HEATR1: variants seen among roughly 807,000 people sequenced by gnomAD.
HEATR1 encodes the protein HEAT repeat-containing protein 1.
In HEATR1, 77 loss-of-function variants were observed where a neutral mutation model predicts 248.2. The observed-to-expected ratio is 0.31, with a 90% CI of 0.26 to 0.37. HEATR1 has a LOEUF of 0.37. Among genes scored for constraint, HEATR1 ranks in the 10% least tolerant of loss-of-function variants. HEATR1 has a pLI of 1.00. For synonymous variants in HEATR1, 897 were observed against 923.1 expected, an observed-to-expected ratio of 0.97 and a Z score of 0.51; for missense variants, 2,420 against 2,504.9, an observed-to-expected ratio of 0.97 and a Z score of 0.72.
rs1455077700 is a variant in HEATR1 at position 236,586,218 on chromosome 1, A to T, written c.1927+23T>A. On this transcript the variant is annotated intron_variant, in intron 15 of 44. Coordinates refer to ENST00000366582, the MANE Select transcript of HEATR1 (RefSeq NM_018072.6). ...TTTGTGTTATCTGTTCACTTTTTCT[A>T]AAAAAACAACTGAATTTTTTACCTT... is the stretch of plus-strand genomic sequence containing the variant. The T allele has an allele frequency of 3.2e-6, 5 of 1,559,018 alleles. No individual in the cohort carries two copies. In the Admixed American group the frequency reaches 9.3e-5, roughly 29 times the overall value.
At chr1:236,555,274 C>G (rs1662933395) in intron 41 of HEATR1, 22 bp downstream of exon 41, 1 of 1,611,690 alleles carries the variant, frequency 6.2e-7, no homozygotes, top group Non-Finnish European at 8.5e-7. Context: ...AGGGTGACAG[C>G]TGAACTGAAG....
chr1:236,566,511 T>G, intron 30 of HEATR1, 135 bp downstream of exon 30: 1 of 700,144 alleles, frequency 1.4e-6, no homozygotes, highest in East Asian at 2.7e-5. Context: ...AAAACCTTTT[T>G]GAAAAAGGTT....
At chr1:236,573,810 C>A (rs948627411) in intron 24 of HEATR1, among the ~76,000 whole-genome samples, 24 of 152,008 alleles carry the variant, frequency 1.6e-4, no homozygotes, top group Non-Finnish European at 3.4e-4. Flanking sequence ...AACCAACAAG[C>A]AGAATTTCAA....
At chr1:236,591,469 T>C (rs1016903337) in intron 11 of HEATR1, among the ~76,000 whole-genome samples, 7 of 152,206 alleles carry the variant, frequency 4.6e-5, no homozygotes, top group Non-Finnish European at 1.0e-4. Context: ...ACAATCATAT[T>C]TCTCTTCATA....
chr1:236,574,112 C>CA (rs1663502881), intron 24 of HEATR1, 90 bp downstream of exon 24: 1 of 1,135,580 alleles, frequency 8.8e-7, no homozygotes, highest in African/African-American at 1.6e-5. Flanking sequence ...CTCTTACAAG[C>CA]ACTATAAAAT....
At chr1:236,592,737 C>T (rs1664074094) in intron 9 of HEATR1, 104 bp from the exon 10 acceptor site, 8 of 560,802 alleles carry the variant, frequency 1.4e-5, no homozygotes, top group Admixed American at 1.3e-4. Flanking sequence ...AATTGTCATA[C>T]TTATACAAGG....
rs184930041 is a variant in HEATR1 at position 236,552,188 on chromosome 1, A to G, written c.6238-81T>C. The G allele has an allele frequency of 5.4e-3, 4,811 of 889,674 alleles. 22 individuals are homozygous for G. Among genetic ancestry groups the G allele is most frequent in the Non-Finnish European group, 7.1e-3 (3,995 of 562,414 alleles). 55.1% of individuals were successfully genotyped at this position (889,674 alleles called of 1,614,324 possible). On this transcript the variant is annotated intron_variant, in intron 43 of 44. Transcript: ENST00000366582. ...TTAAGAGCTGTACTGACTTGAGACA[A>G]GCTCTAACTTTTTAAACATTAGTTC...
rs746520725 is a variant in HEATR1, at chr1:236,585,055, T to A, written c.2211A>T (p.Ile737=). Residue 737 remains isoleucine, a synonymous_variant, in exon 17 of 45, where the codon ATA becomes ATT. Transcript: ENST00000366582. Reference sequence around the variant, plus strand: ...CAGTAATGACACTTTCAAGCTTCTTTATTTTTTTCTGCAACAAACTGAAGA... The same window carrying A: ...CAGTAATGACACTTTCAAGCTTCTTAATTTTTTTCTGCAACAAACTGAAGA... ...IRVFSLLQKK[I]KKLESVITAV... is the part of the protein sequence containing the mutation. 2.5e-6 allele frequency: 4 copies of A among 1,613,364 alleles called. No homozygotes were observed. Among genetic ancestry groups the A allele is most frequent in the Non-Finnish European group, 3.4e-6 (4 of 1,179,790 alleles).
At position 236,596,932 on chromosome 1, in the gene HEATR1, G is replaced by A. The variant is rs1350859652; in HGVS notation, c.648C>T (p.Leu216=). The A allele has an allele frequency of 1.2e-6, 2 of 1,613,888 alleles. No individual in the cohort carries two copies. Among genetic ancestry groups the A allele is most frequent in the African/African-American group, 2.7e-5 (2 of 74,874 alleles). Residue 216 remains leucine, a synonymous_variant, in exon 6 of 45, where the codon CTC becomes CTT. Transcript: ENST00000366582. ...YPGSSAQLRV[L]LAFYASTIVS... is the part of the protein sequence containing the mutation. ...CTATGGTAGAAGCATAGAAAGCCAA[G>A]AGCACCCTCAACTGAGCTGAGCTGC...
At chr1:236,581,124 A>ATT (rs35257076) in intron 20 of HEATR1, 98 bp downstream of exon 20, 2,548 of 951,204 alleles carry the variant, frequency 2.7e-3, no homozygotes, top group Non-Finnish European at 3.4e-3. Context: ...GCCCTCTGCT[A>ATT]TTTTTTTTTA....
chr1:236,601,867 G>A (rs1664334399), intron 3 of HEATR1, among the ~76,000 whole-genome samples: 1 of 150,924 alleles, frequency 6.6e-6, no homozygotes, highest in Non-Finnish European at 1.5e-5. Flanking sequence ...TGCAGTGGCT[G>A]TGGTGGCTCA....
intron 33 of HEATR1, 59 bp downstream of exon 33, chr1:236,561,166 T>G (rs1663120379): frequency 8.2e-7 from 1 of 1,213,792 alleles, no homozygotes. Context: ...TTTTTCCAGG[T>G]TTTCTATAAG....
rs779288098 is a variant in HEATR1 at position 236,572,816 on chromosome 1, C to T, written c.3472G>A (p.Ala1158Thr). 18 of 1,613,544 alleles carry T rather than the reference C, an allele frequency of 1.1e-5. No homozygotes were observed. The African/African-American group carries it at 2.4e-4, about 22-fold the overall frequency. The change falls in exon 25 of 45, where the codon GCT becomes ACT. Residue 1158 changes from alanine (A) to threonine (T), a missense_variant. Physicochemically the swap from Ala to Thr is moderately conservative, Grantham distance 58. Coordinates refer to ENST00000366582, the MANE Select transcript of HEATR1 (RefSeq NM_018072.6). ...SSVFKGISVN[A>T]EQVRIELEPP... ...TCCAGTTCTATTCGGACTTGTTCAG[C>T]ATTAACGGAAATCTGAAATATTGAA... is the stretch of plus-strand genomic sequence containing the variant.
chr1:236,549,024 A>T lies in HEATR1; in HGVS notation c.*1878T>A. On this transcript the variant is annotated 3_prime_UTR_variant, in exon 45 of 45. Coordinates refer to ENST00000366582, the MANE Select transcript of HEATR1 (RefSeq NM_018072.6). ...GATGCATTCAATTTGAAAGATATTT[A>T]TGGGCAACAAAGTAAGGTCAGGATT... 1 of 398,632 alleles carries T rather than the reference A, an allele frequency of 2.5e-6. No individual in the cohort carries two copies. Among genetic ancestry groups the T allele is most frequent in the Non-Finnish European group, 4.4e-6 (1 of 226,046 alleles). The allele number at this position is 398,632 out of a possible 1,614,324, so 24.7% of individuals were successfully genotyped here. A position where few individuals can be genotyped will look rare whatever the true frequency, so the allele number is the denominator to read the frequency against.
At chr1:236,584,379 G>C (rs1051090401) in intron 17 of HEATR1, among the ~76,000 whole-genome samples, 1 of 152,008 alleles carries the variant, frequency 6.6e-6, no homozygotes, top group Non-Finnish European at 1.5e-5. Flanking sequence ...CAATGGCCAT[G>C]ATCAGAACTT....
In HEATR1 at chr1:236,586,016, A is replaced by T. The variant is rs1663874821; in HGVS notation, c.1928-75T>A. 5 of 1,528,222 alleles carry T rather than the reference A, an allele frequency of 3.3e-6. No individual in the cohort carries two copies. In the Admixed American group the frequency reaches 8.9e-5, roughly 27 times the overall value. The allele number at this position is 1,528,222 out of a possible 1,614,324, so 94.7% of individuals were successfully genotyped here. ...AGAATCACATGAAGAATTCAGGCAA[A>T]CATTTTACTATTGTTTATGAAGGTT... On this transcript the variant is annotated intron_variant, in intron 15 of 44. Coordinates refer to ENST00000366582, the MANE Select transcript of HEATR1 (RefSeq NM_018072.6).
intron 27 of HEATR1, 34 bp from the exon 28 acceptor site, chr1:236,571,506 G>A (rs1663425118): frequency 6.2e-7 from 1 of 1,613,384 alleles, no homozygotes; most frequent in Non-Finnish European, 8.5e-7. Context: ...ACCCTAAGTG[G>A]CAGGTACACT....
chr1:236,564,410 C>T, intron 32 of HEATR1, 88 bp downstream of exon 32: 2 of 1,149,762 alleles, frequency 1.7e-6, no homozygotes, highest in East Asian at 2.4e-5. Context: ...TTTCATGAGC[C>T]ATTTACCAAG....
At chr1:236,551,833 G>A (rs1364544822) in intron 44 of HEATR1, 166 bp downstream of exon 44, 7 of 568,726 alleles carry the variant, frequency 1.2e-5, no homozygotes, top group Non-Finnish European at 2.2e-5. Context: ...ACTCAAAACA[G>A]GAGCTCGAGC....
Sources: allele counts gnomAD v4.1 joint callset (sites outside exome capture counted in the v4.1 genomes callset), GRCh38; gene constraint gnomAD v4.1.1; transcripts MANE v1.5; gene names NCBI Gene and HGNC (gene_info 2026-07-23, HGNC 2026-07-21).